DDO: variants seen among roughly 807,000 people sequenced by gnomAD.
DDO encodes the protein D-aspartate oxidase, also known as D-aspartate oxidase, DDO.
In DDO, 16 loss-of-function variants were observed where a neutral mutation model predicts 16.8. The observed-to-expected ratio is 0.95, with a 90% CI of 0.65 to 1.45. The LOEUF is 1.45. Ranked by LOEUF, DDO falls within the 40% of genes most tolerant of loss-of-function variation. The probability of loss-of-function intolerance (pLI) is 0.00; values close to 1 mark genes in which losing one functional copy is unlikely to be tolerated. For synonymous variants in DDO, 180 were observed against 167.2 expected (o/e 1.08, Z -0.59); for missense variants, 429 against 420.3 (o/e 1.02, Z -0.18).
chr6:110,410,291 G>A (rs1773809154), intron 2 of DDO, among the ~76,000 whole-genome samples: 1 of 152,206 alleles, frequency 6.6e-6, no homozygotes, highest in African/African-American at 2.4e-5. Context: ...TCAGATGAGT[G>A]ACTGTCTTTG....
At chr6:110,412,539 T>A (rs1032194020) in intron 2 of DDO, among the ~76,000 whole-genome samples, 1 of 152,182 alleles carries the variant, frequency 6.6e-6, no homozygotes, top group Admixed American at 6.5e-5. Flanking sequence ...GGTGGAGACA[T>A]GTGGCCTGCT....
At chr6:110,394,422 A>T (rs907911506) in intron 4 of DDO, among the ~76,000 whole-genome samples, 3 of 152,140 alleles carry the variant, frequency 2.0e-5, no homozygotes, top group Non-Finnish European at 2.9e-5. Context: ...AACTTTTTTA[A>T]TCTTGCAAAA....
rs1356754704 is a variant in DDO at position 110,393,012 on chromosome 6, G to C, written c.789C>G (p.Pro263=). The C allele has an allele frequency of 6.2e-7, 1 of 1,610,868 alleles. No homozygotes were observed. Among genetic ancestry groups the C allele is most frequent in the Admixed American group, 1.7e-5 (1 of 59,984 alleles). Residue 263 remains proline (P), a synonymous_variant, in exon 5 of 5, where the codon CCC becomes CCG. Coordinates refer to ENST00000368924, the MANE Select transcript of DDO (RefSeq NM_001372108.2). ...TGATGTTGCAGGCTCCGTGGAGGGAGGGCTCCAGAGCACAGCATCGGGAAA... is the reference window on the plus strand; with the variant it reads ...TGATGTTGCAGGCTCCGTGGAGGGACGGCTCCAGAGCACAGCATCGGGAAA... The part of the protein sequence containing the change: ...EILSRCCALE[P]SLHGACNIRE...
intron 4 of DDO, 85 bp downstream of exon 4, chr6:110,404,689 C>G: frequency 6.8e-7 from 1 of 1,468,204 alleles, no homozygotes; most frequent in Admixed American, 1.9e-5. Context: ...ATGCCAGAGA[C>G]TTTTCAGTAT....
chr6:110,403,515 G>T (rs11963644), intron 4 of DDO, among the ~76,000 whole-genome samples: 23,101 of 152,196 alleles, frequency 0.15, 2,259 homozygotes, highest in Middle Eastern at 0.22. Context: ...TCCAAACTTG[G>T]CATATGAACA....
intron 4 of DDO, among the ~76,000 whole-genome samples, chr6:110,404,092 G>A (rs928847130): frequency 6.6e-6 from 1 of 152,088 alleles, no homozygotes; most frequent in Non-Finnish European, 1.5e-5. Context: ...CTCTCAACAT[G>A]CCTGCAAGTC....
chr6:110,404,890 C>T lies in DDO; in HGVS notation c.342G>A (p.Leu114=), dbSNP rs755136198. 6 of 1,614,200 alleles carry T rather than the reference C, an allele frequency of 3.7e-6. No homozygotes were observed. The Admixed American group carries it at 6.7e-5, about 18-fold the overall frequency. The change falls in exon 4 of 5, where the codon CTG becomes CTA. Residue 114 remains leucine (L), a synonymous_variant. Coordinates refer to ENST00000368924, the MANE Select transcript of DDO (RefSeq NM_001372108.2). ...EEVPFWADVV[L]GFRKMTEAEL... ...CAGCCTCAGTCATCTTTCGAAATCC[C>T]AGAACCACGTCAGCCCAGAATGGCA...
chr6:110,405,563 T>C (rs1393206270), intron 3 of DDO, among the ~76,000 whole-genome samples: 1 of 152,228 alleles, frequency 6.6e-6, no homozygotes, highest in Non-Finnish European at 1.5e-5. Context: ...ATAGTACTAC[T>C]AATAGCTGCT....
chr6:110,393,390 A>G (rs368071795), intron 4 of DDO, 48 bp from the exon 5 acceptor site: 1 of 1,505,296 alleles, frequency 6.6e-7, no homozygotes, highest in Non-Finnish European at 8.8e-7. Flanking sequence ...GACCTGATCA[A>G]CTACTTCCAG....
At chr6:110,398,943 C>T (rs1045336922) in intron 4 of DDO, among the ~76,000 whole-genome samples, 1 of 152,168 alleles carries the variant, frequency 6.6e-6, no homozygotes, top group Non-Finnish European at 1.5e-5. Context: ...AAATGGGCCA[C>T]CCAGTTTCCT....
chr6:110,415,185 G>A (rs1249801495), intron 1 of DDO, among the ~76,000 whole-genome samples: 1 of 152,246 alleles, frequency 6.6e-6, no homozygotes, highest in East Asian at 1.9e-4. Flanking sequence ...CTTGAGTAGA[G>A]CTGTCCTGCA....
intron 3 of DDO, among the ~76,000 whole-genome samples, chr6:110,407,880 A>T (rs557383087): frequency 1.3e-5 from 2 of 152,324 alleles, no homozygotes; most frequent in East Asian, 1.9e-4. Flanking sequence ...AAGTTTAGTG[A>T]CCTACAAAAT....
intron 2 of DDO, 37 bp from the exon 3 acceptor site, chr6:110,408,479 GA>G: frequency 6.3e-7 from 1 of 1,579,068 alleles, no homozygotes; most frequent in Non-Finnish European, 8.7e-7. Context: ...GAACAGAAAG[GA>G]AAATGATGAT....
At chr6:110,407,186 GT>G (rs1773686380) in intron 3 of DDO, among the ~76,000 whole-genome samples, 1 of 152,180 alleles carries the variant, frequency 6.6e-6, no homozygotes. Flanking sequence ...GGACATGGCT[GT>G]TTCCAAAAAT....
At chr6:110,406,402 T>C (rs1298943783) in intron 3 of DDO, among the ~76,000 whole-genome samples, 10 of 152,022 alleles carry the variant, frequency 6.6e-5, no homozygotes, top group African/African-American at 2.2e-4. Flanking sequence ...CTTGATTCTC[T>C]CTCCCTACTC....
intron 4 of DDO, among the ~76,000 whole-genome samples, chr6:110,395,624 A>G (rs1275422774): frequency 1.3e-5 from 2 of 152,140 alleles, no homozygotes; most frequent in Non-Finnish European, 2.9e-5. Flanking sequence ...TGATCATCAC[A>G]GCAGTTCTGA....
At chr6:110,402,582 T>C (rs1420172721) in intron 4 of DDO, among the ~76,000 whole-genome samples, 1 of 152,140 alleles carries the variant, frequency 6.6e-6, no homozygotes, top group Non-Finnish European at 1.5e-5. Context: ...GAAGAATCAC[T>C]TGAACCCGGG....
intron 4 of DDO, among the ~76,000 whole-genome samples, chr6:110,399,908 C>G (rs2114818650): frequency 6.6e-6 from 1 of 152,344 alleles, no homozygotes; most frequent in East Asian, 1.9e-4. Flanking sequence ...GAAGGTCTCC[C>G]CAGGACTCGG....
intron 4 of DDO, 98 bp downstream of exon 4, chr6:110,404,676 G>A (rs967361257): frequency 7.5e-7 from 1 of 1,339,646 alleles, no homozygotes; most frequent in Non-Finnish European, 1.0e-6. Context: ...AGAGCTCTGA[G>A]GGATGCCAGA....
Sources: allele counts gnomAD v4.1 joint callset (sites outside exome capture counted in the v4.1 genomes callset), GRCh38; gene constraint gnomAD v4.1.1; transcripts MANE v1.5; gene names NCBI Gene and HGNC (gene_info 2026-07-23, HGNC 2026-07-21).